The following SLIT3 variants were observed in gnomAD, a reference collection of about 807,000 sequenced individuals.
SLIT3 encodes the protein slit homolog 3 protein.
SLIT3 carries 68 observed loss-of-function variants against 184.0 expected under a neutral mutation model. The ratio of observed to expected loss-of-function variants is 0.37; its 90% CI spans 0.30 to 0.45. SLIT3 has a LOEUF of 0.45. Ranked by LOEUF, SLIT3 falls within the 20% of genes least tolerant of loss-of-function variation. SLIT3 has a pLI of 1.00. For missense variants in SLIT3, 1,707 were observed against 2,026.0 expected, an observed-to-expected ratio of 0.84 and a Z score of 3.02; for synonymous variants, 831 against 828.6, an observed-to-expected ratio of 1.00 and a Z score of -0.05.
Position 169,245,867 on chromosome 5 carries a change from T to C in SLIT3, c.270-1091A>G, listed in dbSNP as rs564195335. ...CCCTTGTGTTTAGTTCCCAAGTCTA[T>C]CTTCCCCACTATGCCTAAGGAGCAA... On this transcript the variant is annotated intron_variant, in intron 2 of 35. Transcript: ENST00000519560. Among the ~76,000 whole-genome samples the C allele has an allele frequency of 3.5e-4, 54 of 152,288 alleles. 1 individual carries two copies. The South Asian group carries it at 0.01, about 29-fold the overall frequency.
At chr5:168,845,344 C>G (rs1348715237) in intron 5 of SLIT3, among the ~76,000 whole-genome samples, 2 of 152,144 alleles carry the variant, frequency 1.3e-5, no homozygotes, top group African/African-American at 4.8e-5. Flanking sequence ...CAGATTCCCT[C>G]AAACTGCACC....
intron 3 of SLIT3, among the ~76,000 whole-genome samples, chr5:169,203,074 C>T (rs1005753626): frequency 6.6e-6 from 1 of 152,144 alleles, no homozygotes; most frequent in Non-Finnish European, 1.5e-5. Context: ...TGGAAAATCA[C>T]TGGTTCTGCA....
chr5:168,783,618 G>A (rs191890931), intron 12 of SLIT3, among the ~76,000 whole-genome samples: 1 of 152,336 alleles, frequency 6.6e-6, no homozygotes, highest in African/African-American at 2.4e-5. Context: ...GAGACTCTGA[G>A]TCAAAGGAGA....
chr5:168,739,883 G>A (rs534248588), intron 20 of SLIT3, among the ~76,000 whole-genome samples: 1 of 152,166 alleles, frequency 6.6e-6, no homozygotes, highest in African/African-American at 2.4e-5. Context: ...AAAAAGATTT[G>A]CAAAAATATA....
At chr5:168,994,469 C>T (rs1390751267) in intron 4 of SLIT3, among the ~76,000 whole-genome samples, 1 of 151,944 alleles carries the variant, frequency 6.6e-6, no homozygotes, top group Non-Finnish European at 1.5e-5. Context: ...CATCTCAATC[C>T]CCTCTTACTC....
At chr5:169,206,956 T>A (rs947408873) in intron 3 of SLIT3, among the ~76,000 whole-genome samples, 3 of 151,938 alleles carry the variant, frequency 2.0e-5, no homozygotes, top group African/African-American at 7.3e-5. Context: ...ATGAGAACTG[T>A]AGGATGGAAA....
At chr5:168,703,353 C>T (rs940754079) in intron 26 of SLIT3, among the ~76,000 whole-genome samples, 1 of 151,684 alleles carries the variant, frequency 6.6e-6, no homozygotes, top group Non-Finnish European at 1.5e-5. Flanking sequence ...GGACTGGTAC[C>T]GGTCCCCGTT....
At chr5:169,162,482 T>C (rs1762511461) in intron 4 of SLIT3, among the ~76,000 whole-genome samples, 1 of 152,126 alleles carries the variant, frequency 6.6e-6, no homozygotes, top group African/African-American at 2.4e-5. Context: ...ATGCAGGTCT[T>C]TGGAGTGAAA....
intron 4 of SLIT3, among the ~76,000 whole-genome samples, chr5:169,126,509 T>C (rs1041569184): frequency 1.3e-5 from 2 of 152,230 alleles, no homozygotes; most frequent in South Asian, 4.1e-4. Flanking sequence ...CAAGGGACTT[T>C]AGTGGTGACA....
At chr5:169,178,158 T>TCC (rs1763040386) in intron 4 of SLIT3, among the ~76,000 whole-genome samples, 1 of 152,230 alleles carries the variant, frequency 6.6e-6, no homozygotes, top group South Asian at 2.1e-4. Context: ...GTAACTGCTA[T>TCC]CCCAGCTGGC....
chr5:169,195,557 C>T (rs760447691), intron 3 of SLIT3, among the ~76,000 whole-genome samples: 7 of 152,132 alleles, frequency 4.6e-5, no homozygotes, highest in Non-Finnish European at 8.8e-5. Context: ...GACGGAGTCT[C>T]GCTATGTTGC....
Position 169,300,910 on chromosome 5 carries a change from C to G in SLIT3, c.-201G>C. On this transcript the variant is annotated 5_prime_UTR_variant, in exon 1 of 36. Coordinates refer to ENST00000519560, the MANE Select transcript of SLIT3 (RefSeq NM_003062.4). This position sits in a 1 kb window ranked among gnomAD's most constrained non-coding sequence, Gnocchi z 4.1. ...GCGGCGGCGGCGGCAGCAACAGCAG[C>G]TCCATCGGCGGGGCCGGCGCTGCCC... 1 of 286,876 alleles carries G rather than the reference C, an allele frequency of 3.5e-6. No individual in the cohort carries two copies. The allele number at this position is 286,876 out of a possible 1,614,324, so 17.8% of individuals were successfully genotyped here.
In SLIT3 at chr5:168,749,545, A is replaced by T; in HGVS notation, c.2064T>A (p.Pro688=). 6.2e-7 allele frequency: 1 copy of T among 1,614,144 alleles called. No individual in the cohort carries two copies. Among genetic ancestry groups the T allele is most frequent in the Non-Finnish European group, 8.5e-7 (1 of 1,180,012 alleles). Residue 688 remains proline, a synonymous_variant, in exon 19 of 36, where the codon CCT becomes CCA. Coordinates refer to ENST00000519560, the MANE Select transcript of SLIT3 (RefSeq NM_003062.4). ...TGAGGAAAAATGGCTTCTGGCACCT[A>T]GGGTTCCCACTGACGATCCGCCTCT... ...LRKRRIVSGN[P]RCQKPFFLKE...
intron 4 of SLIT3, among the ~76,000 whole-genome samples, chr5:169,131,371 C>A (rs1473146183): frequency 7.2e-5 from 11 of 152,192 alleles, no homozygotes; most frequent in Non-Finnish European, 1.6e-4. Context: ...AGACCACCTA[C>A]TGAATTCTGA....
intron 14 of SLIT3, 77 bp from the exon 15 acceptor site, chr5:168,762,766 G>A: frequency 1.3e-6 from 2 of 1,485,496 alleles, no homozygotes; most frequent in South Asian, 2.3e-5. Flanking sequence ...AGTGGGGGTG[G>A]GAGACAGAGA....
chr5:169,045,483 G>A (rs926608010), intron 4 of SLIT3, among the ~76,000 whole-genome samples: 1 of 150,902 alleles, frequency 6.6e-6, no homozygotes, highest in Non-Finnish European at 1.5e-5. Flanking sequence ...GGAAATATTA[G>A]TATTTCAAGA....
At chr5:169,001,278 T>G (rs1581285871) in intron 4 of SLIT3, among the ~76,000 whole-genome samples, 1 of 152,330 alleles carries the variant, frequency 6.6e-6, no homozygotes, top group East Asian at 1.9e-4. Flanking sequence ...TGCCTTATCC[T>G]GAGAAAAATG....
intron 4 of SLIT3, among the ~76,000 whole-genome samples, chr5:168,937,976 T>C (rs1367311850): frequency 6.6e-6 from 1 of 152,088 alleles, no homozygotes; most frequent in Non-Finnish European, 1.5e-5. Flanking sequence ...AATGCAAGTA[T>C]ACAATGCAGT....
At chr5:169,228,842 G>T (rs1039409991) in intron 3 of SLIT3, among the ~76,000 whole-genome samples, 3 of 152,084 alleles carry the variant, frequency 2.0e-5, no homozygotes, top group Non-Finnish European at 4.4e-5. Context: ...TGGTTTTGAA[G>T]CACCTCTCAA....
Sources: gnomAD v4.1 joint callset for allele counts (sites outside exome capture counted in the v4.1 genomes callset) on GRCh38, gnomAD v4.1.1 for gene constraint, Gnocchi (gnomAD v3.1) non-coding constraint, MANE v1.5 for transcripts, NCBI Gene and HGNC (gene_info 2026-07-23, HGNC 2026-07-21) for gene names.